Variants in ARID1B observed in about 807,000 individuals in gnomAD.
ARID1B encodes AT-rich interaction domain 1B.
ARID1B carries 30 observed loss-of-function variants against 212.3 expected under a neutral mutation model. That is an observed-to-expected ratio of 0.14 (90% CI 0.11 to 0.19). The LOEUF (loss-of-function observed/expected upper bound fraction) is 0.19, where lower values mean the gene tolerates loss of function less well. ARID1B is among the 10% of genes least tolerant of loss of function. The pLI, the probability that ARID1B is intolerant of heterozygous loss-of-function variation, is 1.00. For synonymous variants in ARID1B, 1,402 were observed against 1,301.7 expected, an observed-to-expected ratio of 1.08 and a Z score of -1.66; for missense variants, 2,891 against 3,204.0, an observed-to-expected ratio of 0.90 and a Z score of 2.36.
chr6:157,054,357 G>A (rs1782799946), intron 4 of ARID1B, among the ~76,000 whole-genome samples: 1 of 152,098 alleles, frequency 6.6e-6, no homozygotes, highest in Admixed American at 6.5e-5. Flanking sequence ...AATTTCCTTA[G>A]CATCTTTTAA....
chr6:157,168,322 T>C (rs1004690011), intron 9 of ARID1B: 1 of 152,148 alleles, frequency 6.6e-6, no homozygotes, highest in East Asian at 1.9e-4. Flanking sequence ...AAAATGAAGG[T>C]TTTTAAATAA....
intron 2 of ARID1B, among the ~76,000 whole-genome samples, chr6:156,860,328 T>G (rs1785239478): frequency 7.2e-6 from 1 of 138,654 alleles, no homozygotes; most frequent in Admixed American, 7.6e-5. Context: ...AACTTATTTT[T>G]TCAGTGTCTT....
At chr6:156,844,899 A>G (rs1175012227) in intron 2 of ARID1B, among the ~76,000 whole-genome samples, 3 of 152,222 alleles carry the variant, frequency 2.0e-5, no homozygotes, top group African/African-American at 4.8e-5. Context: ...TAAGAAATGT[A>G]TACATCACCA....
intron 4 of ARID1B, among the ~76,000 whole-genome samples, chr6:157,063,754 G>A (rs932022805): frequency 1.3e-5 from 2 of 152,202 alleles, no homozygotes; most frequent in African/African-American, 2.4e-5. Flanking sequence ...TATGCAAATG[G>A]CTAGTGTGTT....
intron 4 of ARID1B, among the ~76,000 whole-genome samples, chr6:156,973,838 G>A (rs780898948): frequency 7.9e-5 from 12 of 152,052 alleles, no homozygotes; most frequent in Non-Finnish European, 1.5e-4. Context: ...ACATTTATTG[G>A]CATATATCAT....
At chr6:156,936,925 G>T (rs1489227262) in intron 4 of ARID1B, 2 of 152,156 alleles carry the variant, frequency 1.3e-5, no homozygotes, top group African/African-American at 2.4e-5. Context: ...TAATGTATAT[G>T]CAGATTTAGA....
chr6:157,148,020 A>G lies in ARID1B; in HGVS notation c.2762-604A>G, dbSNP rs1040271923. Among the ~76,000 whole-genome samples the G allele has an allele frequency of 3.4e-5, 5 of 148,172 alleles. No individual in the cohort carries two copies. The East Asian group carries it at 1.0e-3, about 30-fold the overall frequency. ...CGAGATGTGGCAGCCAGCACAAACC[A>G]GCTGCTCGATCTGGTACTCAAGCAA... On this transcript the variant is annotated intron_variant, in intron 7 of 19. Transcript: ENST00000636930. The surrounding 1 kb of genome is among the most constrained non-coding windows in gnomAD (Gnocchi z 5.6).
In ARID1B at chr6:157,153,292, G is replaced by C. The variant is rs893646685; in HGVS notation, c.3089+4341G>C. On this transcript the variant is annotated intron_variant, in intron 8 of 19. Coordinates refer to ENST00000636930, the MANE Select transcript of ARID1B (RefSeq NM_001374828.1). ...GAATCTGGTGAATCTTCTTGTTCAC[G>C]TACTAGATTCACTGTGCAGTAATAT... Among the ~76,000 whole-genome samples the C allele has an allele frequency of 1.1e-4, 16 of 151,906 alleles. 1 individual carries two copies. In the East Asian group the frequency reaches 3.1e-3, roughly 29 times the overall value.
chr6:156,930,173 G>A (rs1791582524), intron 3 of ARID1B, among the ~76,000 whole-genome samples: 1 of 152,194 alleles, frequency 6.6e-6, no homozygotes, highest in African/African-American at 2.4e-5. Flanking sequence ...AATGTTGGAG[G>A]TGGGGCCAGG....
At chr6:156,887,512 G>C (rs1321287942) in intron 2 of ARID1B, among the ~76,000 whole-genome samples, 1 of 152,186 alleles carries the variant, frequency 6.6e-6, no homozygotes, top group Non-Finnish European at 1.5e-5. Context: ...GGAACACTTA[G>C]ACTGTATCTT....
intron 4 of ARID1B, among the ~76,000 whole-genome samples, chr6:157,040,255 T>C (rs575322919): frequency 6.6e-6 from 1 of 152,340 alleles, no homozygotes; most frequent in South Asian, 2.1e-4. Flanking sequence ...CCTTATTTCA[T>C]AAAGGTCTAG....
chr6:157,097,996 A>G (rs1195566343), intron 5 of ARID1B, among the ~76,000 whole-genome samples: 1 of 152,220 alleles, frequency 6.6e-6, no homozygotes, highest in Non-Finnish European at 1.5e-5. Flanking sequence ...TCTGAATTAG[A>G]CGATGAATAC....
At chr6:156,947,492 T>TA (rs1793241336) in intron 4 of ARID1B, among the ~76,000 whole-genome samples, 2 of 152,138 alleles carry the variant, frequency 1.3e-5, no homozygotes, top group South Asian at 4.2e-4. Flanking sequence ...AACCTTGCTT[T>TA]AACATGCTAT....
intron 4 of ARID1B, among the ~76,000 whole-genome samples, chr6:156,967,827 A>G (rs1794877463): frequency 6.6e-6 from 1 of 152,238 alleles, no homozygotes; most frequent in Non-Finnish European, 1.5e-5. Flanking sequence ...GTTTCTGTGT[A>G]TATTGAAATT....
intron 4 of ARID1B, among the ~76,000 whole-genome samples, chr6:157,083,507 G>A (rs923773406): frequency 2.6e-5 from 4 of 152,168 alleles, no homozygotes; most frequent in Admixed American, 2.6e-4. Flanking sequence ...CTCTTCTGCT[G>A]AGGGAGCAGA....
At chr6:156,817,962 T>C (rs1000761029) in intron 1 of ARID1B, among the ~76,000 whole-genome samples, 5 of 152,182 alleles carry the variant, frequency 3.3e-5, no homozygotes, top group African/African-American at 1.2e-4. Flanking sequence ...GTCAGGAAAC[T>C]TAGATTTGAT....
At chr6:156,791,448 G>A (rs1050546311) in intron 1 of ARID1B, among the ~76,000 whole-genome samples, 2 of 152,130 alleles carry the variant, frequency 1.3e-5, no homozygotes, top group Non-Finnish European at 2.9e-5. Flanking sequence ...ATCATGCCAA[G>A]ATGTTTAAGA....
Position 157,081,928 on chromosome 6 carries a change from GTT to G in ARID1B, c.2248-2726_2248-2725del, listed in dbSNP as rs111247908. On this transcript the variant is annotated intron_variant, in intron 4 of 19. Transcript: ENST00000636930. Reference sequence around the variant, plus strand: ...GATTTTATATCTTGTTATCTACCAGGTTTTTTTTTCTTTAGAGAAACATGAAA... The same window carrying G: ...GATTTTATATCTTGTTATCTACCAGGTTTTTTTCTTTAGAGAAACATGAAA... 9.9e-5 allele frequency among the ~76,000 whole-genome samples: 15 copies of G among 151,240 alleles called. No individual in the cohort carries two copies. The South Asian group carries it at 1.5e-3, about 15-fold the overall frequency.
chr6:157,039,670 C>CTTCCTTCTTTCT (rs1554287197), intron 4 of ARID1B, among the ~76,000 whole-genome samples: 81 of 55,288 alleles, frequency 1.5e-3, no homozygotes, highest in African/African-American at 7.8e-3. Context: ...TCCTTCCTTC[C>CTTCCTTCTTTCT]TTCCTTCCTT....
Sources: gnomAD v4.1 joint callset for allele counts (sites outside exome capture counted in the v4.1 genomes callset) on GRCh38, gnomAD v4.1.1 for gene constraint, Gnocchi (gnomAD v3.1) non-coding constraint, MANE v1.5 for transcripts, NCBI Gene and HGNC (gene_info 2026-07-23, HGNC 2026-07-21) for gene names.